EPHA6: variants seen among roughly 807,000 people sequenced by gnomAD.
EPHA6 encodes the protein ephrin type-A receptor 6.
A neutral mutation model predicts 112.0 loss-of-function variants in EPHA6; 50 were observed. That is an observed-to-expected ratio of 0.45 (90% CI 0.36 to 0.56). The LOEUF is 0.56. EPHA6 is among the 20% of genes least tolerant of loss of function. The probability of loss-of-function intolerance (pLI) is 0.00; values close to 1 mark genes in which losing one functional copy is unlikely to be tolerated. For synonymous variants in EPHA6, 529 were observed against 490.7 expected, an observed-to-expected ratio of 1.08 and a Z score of -1.03; for missense variants, 1,280 against 1,417.4, an observed-to-expected ratio of 0.90 and a Z score of 1.56.
intron 1 of EPHA6, among the ~76,000 whole-genome samples, chr3:96,843,078 G>T (rs943931315): frequency 6.6e-6 from 1 of 152,042 alleles, no homozygotes; most frequent in Non-Finnish European, 1.5e-5. Flanking sequence ...CTGTGTCTAT[G>T]TGTAGGATTT....
At chr3:96,835,795 ACT>A (rs1185944626) in intron 1 of EPHA6, among the ~76,000 whole-genome samples, 2 of 151,862 alleles carry the variant, frequency 1.3e-5, no homozygotes, top group Non-Finnish European at 2.9e-5. Context: ...TCTTGTGAAG[ACT>A]CTTAATTATT....
At chr3:97,396,504 G>A (rs1442331024) in intron 5 of EPHA6, among the ~76,000 whole-genome samples, 1 of 151,196 alleles carries the variant, frequency 6.6e-6, no homozygotes, top group Non-Finnish European at 1.5e-5. Flanking sequence ...AGGCAACAAG[G>A]ATATTTGTGA....
At chr3:97,372,227 G>A (rs1235537471) in intron 5 of EPHA6, among the ~76,000 whole-genome samples, 1 of 152,054 alleles carries the variant, frequency 6.6e-6, no homozygotes, top group Non-Finnish European at 1.5e-5. Context: ...GGACACCCAG[G>A]TTTAAAATTT....
intron 14 of EPHA6, among the ~76,000 whole-genome samples, chr3:97,698,833 T>C (rs923652988): frequency 6.6e-6 from 1 of 152,226 alleles, no homozygotes; most frequent in South Asian, 2.1e-4. Flanking sequence ...CTCTGCCTTA[T>C]TTATTTTTGT....
intron 10 of EPHA6, among the ~76,000 whole-genome samples, chr3:97,495,151 C>A (rs942524050): frequency 6.6e-6 from 1 of 152,084 alleles, no homozygotes; most frequent in Admixed American, 6.6e-5. Flanking sequence ...AGCGGTCTTT[C>A]TCAGAGGAGT....
At chr3:97,246,291 G>A (rs2108586754) in intron 5 of EPHA6, among the ~76,000 whole-genome samples, 1 of 151,912 alleles carries the variant, frequency 6.6e-6, no homozygotes, top group African/African-American at 2.4e-5. Context: ...TACAAAATCA[G>A]TATGTCACTT....
chr3:97,553,314 T>C (rs1309024556), intron 11 of EPHA6, among the ~76,000 whole-genome samples: 1 of 152,096 alleles, frequency 6.6e-6, no homozygotes, highest in Non-Finnish European at 1.5e-5. Flanking sequence ...TTGATTGCCC[T>C]GACCTTCCCT....
At chr3:97,124,479 AAGAAAGAAAGAAAGAAAGAAAG>A (rs2048129107) in intron 3 of EPHA6, among the ~76,000 whole-genome samples, 1 of 126,746 alleles carries the variant, frequency 7.9e-6, no homozygotes, top group Non-Finnish European at 1.7e-5. Context: ...AAAAGAAAGA[AAGAAAGAAAGAAAGAAAGAAAG>A]AGAAAGAAAG....
chr3:97,525,146 G>T (rs942267254), intron 10 of EPHA6, among the ~76,000 whole-genome samples: 1 of 151,330 alleles, frequency 6.6e-6, no homozygotes, highest in Non-Finnish European at 1.5e-5. Flanking sequence ...TACATTTGAT[G>T]GTGTCCCATA....
intron 3 of EPHA6, among the ~76,000 whole-genome samples, chr3:97,213,266 C>T (rs2077929884): frequency 6.6e-6 from 1 of 152,092 alleles, no homozygotes; most frequent in Non-Finnish European, 1.5e-5. Context: ...CTTCCAGGGC[C>T]ATGTGAGAGG....
intron 10 of EPHA6, among the ~76,000 whole-genome samples, chr3:97,527,228 C>G (rs1213126457): frequency 6.6e-6 from 1 of 152,010 alleles, no homozygotes; most frequent in Non-Finnish European, 1.5e-5. Flanking sequence ...GTAACTAAAC[C>G]CTTTGGAAAA....
chr3:97,167,465 T>C (rs1241355441), intron 3 of EPHA6, among the ~76,000 whole-genome samples: 2 of 152,148 alleles, frequency 1.3e-5, no homozygotes, highest in East Asian at 3.9e-4. Flanking sequence ...TTTAGGTTTT[T>C]TTACTCTACT....
In EPHA6 at chr3:97,543,778, T is replaced by TG. The variant is rs535574629; in HGVS notation, c.2386+11237dup. 2.8e-4 allele frequency among the ~76,000 whole-genome samples: 43 copies of TG among 152,186 alleles called. No individual in the cohort carries two copies. In the South Asian group the frequency reaches 8.5e-3, roughly 30 times the overall value. ...TCTCCTCTTTTATTTCCTTGAGCAG[T>TG]GGTTTGTAGTTCTCCTTGAAGAGGT... On this transcript the variant is annotated intron_variant, in intron 11 of 17. Transcript: ENST00000389672.
At chr3:97,120,847 T>A (rs1212229174) in intron 3 of EPHA6, among the ~76,000 whole-genome samples, 1 of 151,858 alleles carries the variant, frequency 6.6e-6, no homozygotes, top group Non-Finnish European at 1.5e-5. Flanking sequence ...TAAACATAAA[T>A]AATGTTATAG....
intron 6 of EPHA6, chr3:97,439,556 A>T: frequency 2.2e-6 from 2 of 922,990 alleles, no homozygotes; most frequent in Non-Finnish European, 2.6e-6. Flanking sequence ...GTTGCCAACA[A>T]CAGAACCCAG....
At position 97,386,236 on chromosome 3, in the gene EPHA6, T is replaced by G. The variant is rs187591292; in HGVS notation, c.1607-18914T>G. The stretch of plus-strand genomic sequence containing the variant: ...TGAGCTGATTAAACCTTAGTTACTT[T>G]CAAGATCTGTGAGCTGATTAAACCT... On this transcript the variant is annotated intron_variant, in intron 5 of 17. Transcript: ENST00000389672. 1.5e-3 allele frequency among the ~76,000 whole-genome samples: 225 copies of G among 152,254 alleles called. 1 individual carries two copies. Among genetic ancestry groups the G allele is most frequent in the Non-Finnish European group, 2.4e-3 (164 of 68,024 alleles).
intron 11 of EPHA6, among the ~76,000 whole-genome samples, chr3:97,567,809 C>A (rs1307841970): frequency 6.6e-6 from 1 of 152,150 alleles, no homozygotes; most frequent in East Asian, 1.9e-4. Context: ...ACAGGAGGCA[C>A]AGCAAGCTAT....
intron 3 of EPHA6, among the ~76,000 whole-genome samples, chr3:97,105,785 C>G (rs2047549722): frequency 6.6e-6 from 1 of 152,118 alleles, no homozygotes; most frequent in African/African-American, 2.4e-5. Context: ...GTGTGGGAGT[C>G]AAAGTCCCTT....
At chr3:97,728,688 C>T (rs2034893250) in intron 15 of EPHA6, among the ~76,000 whole-genome samples, 1 of 152,106 alleles carries the variant, frequency 6.6e-6, no homozygotes, top group Non-Finnish European at 1.5e-5. Flanking sequence ...AGAGTCCAGT[C>T]CTCTTTCCTT....
Sources: gnomAD v4.1 joint callset for allele counts (sites outside exome capture counted in the v4.1 genomes callset) on GRCh38, gnomAD v4.1.1 for gene constraint, MANE v1.5 for transcripts, NCBI Gene and HGNC (gene_info 2026-07-23, HGNC 2026-07-21) for gene names.